Variants in CCDC171 observed in about 807,000 individuals in gnomAD.
The protein encoded by CCDC171 is coiled-coil domain containing 171.
Under a neutral mutation model 168.2 loss-of-function variants are expected in CCDC171, and 177 were observed. The ratio of observed to expected loss-of-function variants is 1.05; its 90% CI spans 0.93 to 1.19. CCDC171 has a LOEUF of 1.19. CCDC171 is among the 50% of genes most tolerant of loss of function. The pLI is 0.00. For synonymous variants in CCDC171, 687 were observed against 540.8 expected (o/e 1.27, Z -3.75); for missense variants, 1,991 against 1,539.0 (o/e 1.29, Z -4.91).
intron 10 of CCDC171, among the ~76,000 whole-genome samples, chr9:15,692,052 C>T (rs915058865): frequency 2.0e-5 from 3 of 152,120 alleles, no homozygotes; most frequent in African/African-American, 7.2e-5. Context: ...TATAACACAG[C>T]AACAACTTGC....
chr9:16,008,163 C>A (rs1300389301), intron 3 of CCDC171, among the ~76,000 whole-genome samples: 1 of 152,102 alleles, frequency 6.6e-6, no homozygotes, highest in Non-Finnish European at 1.5e-5. Context: ...AATCAGAGGA[C>A]TCAAAAATTT....
rs569612653 is a variant in CCDC171 at position 15,744,871 on chromosome 9, C to T, written c.2554+94C>T. 6 of 1,174,376 alleles carry T rather than the reference C, an allele frequency of 5.1e-6. No individual in the cohort carries two copies. In the African/African-American group the frequency reaches 9.3e-5, roughly 18 times the overall value. 72.7% of individuals were successfully genotyped at this position (1,174,376 alleles called of 1,614,324 possible). ...TATTATGGAAAAACTCTTAAAAAAT[C>T]ATGTAATATGCCAAATAATATAACA... On this transcript the variant is annotated intron_variant, in intron 17 of 25. Coordinates refer to ENST00000380701, the MANE Select transcript of CCDC171 (RefSeq NM_173550.4).
At chr9:15,601,469 T>A (rs1279926000) in intron 6 of CCDC171, among the ~76,000 whole-genome samples, 1 of 152,204 alleles carries the variant, frequency 6.6e-6, no homozygotes, top group Non-Finnish European at 1.5e-5. Context: ...GCTTTAGACC[T>A]CTTGTATTCT....
chr9:15,993,615 G>A (rs879558606), intron 3 of CCDC171, among the ~76,000 whole-genome samples: 15 of 152,210 alleles, frequency 9.9e-5, no homozygotes, highest in Non-Finnish European at 1.9e-4. Flanking sequence ...AAACTGAAGA[G>A]CTTCTGCACA....
chr9:15,892,409 G>A (rs1444780453), intron 24 of CCDC171, among the ~76,000 whole-genome samples: 1 of 152,104 alleles, frequency 6.6e-6, no homozygotes, highest in Admixed American at 6.6e-5. Context: ...TTTTTAACAT[G>A]CAGGGATGTT....
chr9:15,903,537 T>A (rs543449062), intron 24 of CCDC171, among the ~76,000 whole-genome samples: 17 of 152,130 alleles, frequency 1.1e-4, no homozygotes, highest in African/African-American at 4.1e-4. Context: ...TACGTCACCA[T>A]CATCAAAGAC....
At chr9:15,780,755 C>T (rs2057623027) in intron 20 of CCDC171, among the ~76,000 whole-genome samples, 1 of 152,080 alleles carries the variant, frequency 6.6e-6, no homozygotes, top group African/African-American at 2.4e-5. Context: ...GTACTGTAAT[C>T]ATTTTCCTCT....
intron 21 of CCDC171, among the ~76,000 whole-genome samples, chr9:15,818,961 C>A (rs1168474674): frequency 8.5e-6 from 1 of 117,244 alleles, no homozygotes; most frequent in African/African-American, 3.2e-5. Flanking sequence ...GGGTTACCCA[C>A]AAAGGGAAGC....
chr9:15,909,322 C>T (rs1234924920), intron 24 of CCDC171, among the ~76,000 whole-genome samples: 1 of 152,114 alleles, frequency 6.6e-6, no homozygotes, highest in Non-Finnish European at 1.5e-5. Flanking sequence ...TTTCTACTTT[C>T]TATTCCTTAT....
At chr9:15,721,610 A>T (rs925625517) in intron 11 of CCDC171, among the ~76,000 whole-genome samples, 159 bp from the exon 12 acceptor site, 7 of 142,242 alleles carry the variant, frequency 4.9e-5, no homozygotes, top group African/African-American at 2.0e-4. Flanking sequence ...ATTCTATTCA[A>T]GAATTTTATT....
chr9:15,589,224 G>A (rs535871812), intron 4 of CCDC171, among the ~76,000 whole-genome samples: 1 of 152,236 alleles, frequency 6.6e-6, no homozygotes, highest in East Asian at 1.9e-4. Context: ...ACCTTGTGGT[G>A]TGGAAAAACA....
At chr9:15,902,129 A>C (rs967077738) in intron 24 of CCDC171, among the ~76,000 whole-genome samples, 1 of 152,118 alleles carries the variant, frequency 6.6e-6, no homozygotes, top group Non-Finnish European at 1.5e-5. Context: ...ACATTTGTAA[A>C]AAAATAAAAA....
At chr9:15,674,612 T>A (rs1240112889) in intron 9 of CCDC171, among the ~76,000 whole-genome samples, 1 of 152,228 alleles carries the variant, frequency 6.6e-6, no homozygotes, top group Non-Finnish European at 1.5e-5. Flanking sequence ...TTCATTTTGT[T>A]ATTTACTGAG....
At chr9:15,719,806 C>T (rs948522816) in intron 11 of CCDC171, among the ~76,000 whole-genome samples, 4 of 151,936 alleles carry the variant, frequency 2.6e-5, no homozygotes, top group Non-Finnish European at 5.9e-5. Flanking sequence ...GCAGATTTCC[C>T]GAGTGTCCTT....
rs150025164 is a variant in CCDC171, at chr9:15,834,005, A to G, written c.3268-12697A>G. 7.1e-4 allele frequency among the ~76,000 whole-genome samples: 108 copies of G among 152,276 alleles called. 4 individuals carry two copies. Among genetic ancestry groups the G allele is most frequent in the African/African-American group, 2.3e-3 (94 of 41,560 alleles). ...TTTGAATGCACTACAAAAATGACCC[A>G]GACTGTATAGTATAATTACAGATAT... is the stretch of plus-strand genomic sequence containing the variant. On this transcript the variant is annotated intron_variant, in intron 21 of 25. Coordinates refer to ENST00000380701, the MANE Select transcript of CCDC171 (RefSeq NM_173550.4).
intron 6 of CCDC171, among the ~76,000 whole-genome samples, chr9:16,024,222 A>T (rs1359714865): frequency 6.6e-6 from 1 of 152,182 alleles, no homozygotes; most frequent in Non-Finnish European, 1.5e-5. Flanking sequence ...TTAAGATAAT[A>T]AATTTACGTT....
intron 21 of CCDC171, among the ~76,000 whole-genome samples, chr9:15,819,728 C>T (rs1264494996): frequency 8.6e-6 from 1 of 116,920 alleles, no homozygotes; most frequent in Admixed American, 8.1e-5. Flanking sequence ...TAGACTCCCA[C>T]ACAATAATAA....
chr9:15,591,144 A>C (rs1204491382), intron 4 of CCDC171, among the ~76,000 whole-genome samples: 1 of 152,086 alleles, frequency 6.6e-6, no homozygotes, highest in East Asian at 1.9e-4. Flanking sequence ...TCTGAAGGGG[A>C]AGAAGAGATC....
At position 15,748,243 on chromosome 9, in the gene CCDC171, A is replaced by G. The variant is rs2055441309; in HGVS notation, c.2671+2612A>G. 3.3e-5 allele frequency among the ~76,000 whole-genome samples: 5 copies of G among 152,312 alleles called. No individual in the cohort carries two copies. In the East Asian group the frequency reaches 9.6e-4, roughly 29 times the overall value. On this transcript the variant is annotated intron_variant, in intron 18 of 25. Coordinates refer to ENST00000380701, the MANE Select transcript of CCDC171 (RefSeq NM_173550.4). Reference sequence around the variant, plus strand: ...ATATCCGTGATTGAAGATCAAACTAATGAAATAAAACGAGAAGACAAGATT... The same window carrying G: ...ATATCCGTGATTGAAGATCAAACTAGTGAAATAAAACGAGAAGACAAGATT...
Sources: allele counts gnomAD v4.1 joint callset (sites outside exome capture counted in the v4.1 genomes callset), GRCh38; gene constraint gnomAD v4.1.1; transcripts MANE v1.5; gene names NCBI Gene and HGNC (gene_info 2026-07-23, HGNC 2026-07-21).